NLRC5: variants seen among roughly 807,000 people sequenced by gnomAD.
NLRC5 encodes NLR family CARD domain containing 5.
In NLRC5, 114 loss-of-function variants were observed where a neutral mutation model predicts 206.9. The ratio of observed to expected loss-of-function variants is 0.55; its 90% confidence interval spans 0.47 to 0.64. The LOEUF is 0.64. Ranked by LOEUF, NLRC5 falls within the 30% of genes least tolerant of loss-of-function variation. The pLI is 0.00. For missense variants in NLRC5, 2,008 were observed against 2,305.5 expected (o/e 0.87, Z 2.64); for synonymous variants, 952 against 962.8 (o/e 0.99, Z 0.21).
intron 1 of NLRC5, chr16:56,991,895 G>A (rs901148459): frequency 2.0e-5 from 3 of 152,086 alleles, no homozygotes; most frequent in Non-Finnish European, 2.9e-5. Context: ...GCCTCCTAAC[G>A]TGACCTTATT....
At chr16:57,044,750 C>A (rs1268559148) in intron 20 of NLRC5, among the ~76,000 whole-genome samples, 3 of 151,884 alleles carry the variant, frequency 2.0e-5, no homozygotes, top group Non-Finnish European at 4.4e-5. Flanking sequence ...GAGACCCCCC[C>A]ATCTCTACAG....
intron 20 of NLRC5, chr16:57,045,182 G>C: frequency 2.3e-6 from 1 of 437,832 alleles, no homozygotes; most frequent in South Asian, 2.1e-5. Flanking sequence ...ACACCAGCCT[G>C]GGCGACAGAG....
chr16:57,081,004 C>G, intron 46 of NLRC5, 94 bp from the exon 47 acceptor site: 1 of 1,151,568 alleles, frequency 8.7e-7, no homozygotes, highest in South Asian at 1.4e-5. Context: ...CTTGCCCCCA[C>G]GACTGGCACC....
intron 46 of NLRC5, chr16:57,080,839 G>A: frequency 2.2e-6 from 1 of 460,542 alleles, no homozygotes; most frequent in South Asian, 3.5e-5. Flanking sequence ...TTAAATACAG[G>A]AGGTACATGT....
At chr16:56,995,607 A>ACCC (rs60981686) in intron 1 of NLRC5, among the ~76,000 whole-genome samples, 43,849 of 151,948 alleles carry the variant, frequency 0.29, 6,400 homozygotes, top group East Asian at 0.32. Flanking sequence ...GGTGGGATGG[A>ACCC]TCCTGTACCA....
chr16:57,068,994 T>C (rs1345468846), intron 36 of NLRC5, among the ~76,000 whole-genome samples: 2 of 152,266 alleles, frequency 1.3e-5, no homozygotes, highest in Non-Finnish European at 2.9e-5. Context: ...GATGCTGTGT[T>C]ATCGTGCCTT....
At chr16:57,022,372 T>G in intron 4 of NLRC5, 57 bp downstream of exon 4, 2 of 1,488,910 alleles carry the variant, frequency 1.3e-6, no homozygotes, top group Non-Finnish European at 1.9e-6. Flanking sequence ...AAGTCCCCAC[T>G]TCCAAGCTGG....
chr16:56,994,714 C>G (rs2057389071), intron 1 of NLRC5, among the ~76,000 whole-genome samples: 1 of 151,336 alleles, frequency 6.6e-6, no homozygotes, highest in Non-Finnish European at 1.5e-5. Context: ...GAAGAGGGAA[C>G]CAGTCAGAGG....
chr16:57,068,155 C>T (rs894013387), intron 36 of NLRC5, among the ~76,000 whole-genome samples: 4 of 152,154 alleles, frequency 2.6e-5, no homozygotes, highest in African/African-American at 4.8e-5. Flanking sequence ...TAGAGCTGGG[C>T]GTGGTGGCTC....
chr16:57,027,165 C>T, intron 6 of NLRC5, 147 bp downstream of exon 6: 1 of 955,468 alleles, frequency 1.0e-6, no homozygotes, highest in Non-Finnish European at 1.5e-6. Context: ...GAGGAAGCTC[C>T]ATACCTTGAC....
chr16:57,041,285 C>T (rs2063251851), intron 17 of NLRC5, 200 bp from the exon 18 acceptor site: 1 of 556,696 alleles, frequency 1.8e-6, no homozygotes, highest in Non-Finnish European at 3.2e-6. Context: ...TCTCTGCCCA[C>T]CCTCTGCCTA....
rs1445547436 is a variant in NLRC5, at chr16:57,023,849, G to T, written c.420G>T (p.Gln140His). 1.2e-5 allele frequency: 20 copies of T among 1,609,858 alleles called. No homozygotes were observed. In the South Asian group the frequency reaches 1.9e-4, roughly 15 times the overall value. ...SPRRKQCKKQ[Q>H]LELAKKYLQL... is the part of the protein sequence containing the mutation. ...GCCGGAAGCAGTGCAAGAAGCAGCA[G>T]CTAGGTGGGTACCAGTGTGGGGAGG... The change falls in exon 5 of 49, where the codon CAG (glutamine) becomes CAT (histidine). Residue 140 changes from glutamine (Q) to histidine (H), a missense_variant. Physicochemically the swap from Gln to His is conservative, Grantham distance 24. Coordinates refer to ENST00000688547, the MANE Select transcript of NLRC5 (RefSeq NM_001384950.1).
In NLRC5 at chr16:57,046,620, G is replaced by T. The variant is rs769792863; in HGVS notation, c.3317G>T (p.Arg1106Leu). Reference sequence around the variant, plus strand: ...GCCAAGTTCTTAGGGTTCCGTCAGCGCTGCATCCCCAGGAGCCTCTGGTAC... The same window carrying T: ...GCCAAGTTCTTAGGGTTCCGTCAGCTCTGCATCCCCAGGAGCCTCTGGTAC... ...AAAKFLGFRQ[R>L]CIPRSLCLSE... Residue 1106 changes from arginine (R) to leucine (L), a missense_variant, in exon 22 of 49, where the codon CGC (arginine) becomes CTC (leucine). By Grantham distance (102) the Arg-to-Leu change is moderately radical (BLOSUM62 -2). Transcript: ENST00000688547. 17 of 1,613,818 alleles carry T rather than the reference G, an allele frequency of 1.1e-5. No individual in the cohort carries two copies. Among genetic ancestry groups the T allele is most frequent in the Non-Finnish European group, 1.4e-5 (17 of 1,179,900 alleles).
intron 1 of NLRC5, among the ~76,000 whole-genome samples, chr16:57,001,419 G>GC (rs2142305451): frequency 6.6e-6 from 1 of 152,184 alleles, no homozygotes; most frequent in African/African-American, 2.4e-5. Context: ...TCCTCAAGAG[G>GC]CAGAAACAGG....
At chr16:57,058,233 C>A in intron 28 of NLRC5, 85 bp downstream of exon 28, 2 of 1,130,602 alleles carry the variant, frequency 1.8e-6, no homozygotes, top group Non-Finnish European at 2.6e-6. Context: ...CTTCTGAGGG[C>A]ATCCCCCAGA....
intron 1 of NLRC5, among the ~76,000 whole-genome samples, chr16:57,009,343 C>A (rs2059251158): frequency 6.6e-6 from 1 of 151,602 alleles, no homozygotes; most frequent in South Asian, 2.1e-4. Context: ...CCTCTAATCA[C>A]AGCACTTTGG....
chr16:57,069,799 G>C, intron 36 of NLRC5, 37 bp from the exon 37 acceptor site: 1 of 1,562,926 alleles, frequency 6.4e-7, no homozygotes, highest in Non-Finnish European at 8.7e-7. Flanking sequence ...ACCCAGGGCG[G>C]CTCCTGCCTG....
At chr16:57,032,628 T>C (rs562387350) in intron 11 of NLRC5, among the ~76,000 whole-genome samples, 58 of 152,228 alleles carry the variant, frequency 3.8e-4, no homozygotes, top group African/African-American at 1.4e-3. Context: ...TTTCAACTGC[T>C]CAGTGGCCAT....
chr16:57,071,269 T>TGG (rs2067706272), intron 38 of NLRC5, among the ~76,000 whole-genome samples: 1 of 124,222 alleles, frequency 8.1e-6, no homozygotes, highest in Non-Finnish European at 1.7e-5. Context: ...TGTGAGTGAG[T>TGG]TGTGGGGTTG....
Sources: allele counts gnomAD v4.1 joint callset (sites outside exome capture counted in the v4.1 genomes callset), GRCh38; gene constraint gnomAD v4.1.1; transcripts MANE v1.5; gene names NCBI Gene and HGNC (gene_info 2026-07-23, HGNC 2026-07-21).